SLC44A5: variants seen among roughly 807,000 people sequenced by gnomAD.
The protein encoded by SLC44A5 is choline transporter-like protein 5.
Under a neutral mutation model 101.8 loss-of-function variants are expected in SLC44A5, and 57 were observed. That is an observed-to-expected ratio of 0.56 (90% CI 0.45 to 0.70). The LOEUF is 0.70. Among genes scored for constraint, SLC44A5 ranks in the 30% least tolerant of loss-of-function variants. The pLI is 0.00. For missense variants in SLC44A5, 737 were observed against 853.1 expected (o/e 0.86, Z 1.70); for synonymous variants, 281 against 290.9 (o/e 0.97, Z 0.35).
rs1404071864 is a variant in SLC44A5 at position 75,388,232 on chromosome 1, A to AAATAAATAAATAAATAAATC, written c.52+8350_52+8351insGATTTATTTATTTATTTATT. On this transcript the variant is annotated intron_variant, in intron 3 of 23. Coordinates refer to ENST00000370859, the MANE Select transcript of SLC44A5 (RefSeq NM_001130058.2). ...GTAATAAATAAATAAATAAATAAAT[A>AAATAAATAAATAAATAAATC]AATCCAAAAAAAAACAGTATTAAAA... Among the ~76,000 whole-genome samples the AAATAAATAAATAAATAAATC allele has an allele frequency of 8.7e-5, 13 of 148,642 alleles. No individual in the cohort carries two copies. In the South Asian group the frequency reaches 2.5e-3, roughly 29 times the overall value.
intron 1 of SLC44A5, among the ~76,000 whole-genome samples, chr1:75,560,246 C>T (rs977344032): frequency 2.0e-5 from 3 of 152,018 alleles, no homozygotes; most frequent in African/African-American, 4.8e-5. Context: ...TTTGTAGCTA[C>T]GTTAACAATA....
At chr1:75,251,805 G>T (rs191317487) in intron 6 of SLC44A5, among the ~76,000 whole-genome samples, 3 of 152,234 alleles carry the variant, frequency 2.0e-5, no homozygotes, top group Admixed American at 2.0e-4. Flanking sequence ...AAACATAAAT[G>T]AATTAAGTGA....
intron 6 of SLC44A5, among the ~76,000 whole-genome samples, chr1:75,269,071 G>A (rs1470149167): frequency 6.6e-6 from 1 of 151,808 alleles, no homozygotes; most frequent in Admixed American, 6.6e-5. Flanking sequence ...AAAATGAGGC[G>A]ATTTTTTCTC....
chr1:75,318,602 T>A (rs1449327851), intron 4 of SLC44A5, among the ~76,000 whole-genome samples: 1 of 152,188 alleles, frequency 6.6e-6, no homozygotes, highest in Non-Finnish European at 1.5e-5. Context: ...ACTTGAGGAT[T>A]CATGTCCTTG....
intron 1 of SLC44A5, among the ~76,000 whole-genome samples, chr1:75,563,673 A>G (rs1232703049): frequency 6.6e-6 from 1 of 152,136 alleles, no homozygotes; most frequent in Non-Finnish European, 1.5e-5. Flanking sequence ...TATAAAAGAC[A>G]AGCCAAGACC....
chr1:75,265,994 C>T (rs1420597976), intron 6 of SLC44A5, among the ~76,000 whole-genome samples: 2 of 152,166 alleles, frequency 1.3e-5, no homozygotes, highest in East Asian at 3.9e-4. Context: ...GAGAAAGTTA[C>T]ACACAACAAC....
chr1:75,204,253 C>G (rs964559135), intron 23 of SLC44A5, among the ~76,000 whole-genome samples: 1 of 152,128 alleles, frequency 6.6e-6, no homozygotes, highest in African/African-American at 2.4e-5. Context: ...TCAAACACAT[C>G]AACTGCAAAT....
chr1:75,621,085 A>T, the SLC44A5 span, among the ~76,000 whole-genome samples: 1 of 152,130 alleles, frequency 6.6e-6, no homozygotes, highest in East Asian at 1.9e-4. Context: ...GAAGCCATCA[A>T]TGAGAATGAT....
intron 2 of SLC44A5, among the ~76,000 whole-genome samples, chr1:75,470,532 A>G (rs997189401): frequency 6.6e-6 from 1 of 152,170 alleles, no homozygotes; most frequent in African/African-American, 2.4e-5. Context: ...TGTGAAGACT[A>G]CCAAGATAGG....
chr1:75,239,389 G>C (rs1260514078), intron 9 of SLC44A5, among the ~76,000 whole-genome samples: 2 of 151,924 alleles, frequency 1.3e-5, no homozygotes, highest in Non-Finnish European at 2.9e-5. Context: ...ATCAGAAATG[G>C]ATCATTTTCA....
intron 11 of SLC44A5, 48 bp downstream of exon 11, chr1:75,236,939 A>C (rs1648134009): frequency 9.7e-7 from 1 of 1,036,114 alleles, no homozygotes; most frequent in Non-Finnish European, 1.5e-6. Context: ...CTACAAAGAT[A>C]AAATCAGAAT....
At chr1:75,502,327 G>A (rs1669003268) in intron 2 of SLC44A5, among the ~76,000 whole-genome samples, 1 of 152,122 alleles carries the variant, frequency 6.6e-6, no homozygotes, top group South Asian at 2.1e-4. Context: ...AGATTTAGCT[G>A]AATAAGACTA....
At chr1:75,415,539 TG>T (rs1663585318) in intron 2 of SLC44A5, among the ~76,000 whole-genome samples, 3 of 151,922 alleles carry the variant, frequency 2.0e-5, no homozygotes, top group Admixed American at 6.6e-5. Context: ...ATCAGTAGAG[TG>T]GGGCGCTGCT....
At chr1:75,364,482 C>T (rs1019009880) in intron 3 of SLC44A5, among the ~76,000 whole-genome samples, 2 of 152,128 alleles carry the variant, frequency 1.3e-5, no homozygotes, top group African/African-American at 4.8e-5. Flanking sequence ...TGATGCTAAA[C>T]CATTCACGAG....
chr1:75,646,736 A>T, the SLC44A5 span, among the ~76,000 whole-genome samples: 2 of 152,126 alleles, frequency 1.3e-5, no homozygotes, highest in African/African-American at 2.4e-5. Flanking sequence ...TGTGAAGAAG[A>T]AGTAAAGGCC....
chr1:75,294,684 A>G (rs949547892), intron 5 of SLC44A5, among the ~76,000 whole-genome samples: 4 of 152,164 alleles, frequency 2.6e-5, no homozygotes, highest in Admixed American at 1.3e-4. Context: ...ACAAAATGGA[A>G]TATTTTCAAG....
chr1:75,401,707 C>T (rs1001743119), intron 2 of SLC44A5, among the ~76,000 whole-genome samples: 2 of 152,072 alleles, frequency 1.3e-5, no homozygotes. Context: ...TGCTCCCCAT[C>T]TAGATGCCCT....
At chr1:75,547,244 CACAA>C (rs1671700290) in intron 1 of SLC44A5, among the ~76,000 whole-genome samples, 1 of 152,112 alleles carries the variant, frequency 6.6e-6, no homozygotes, top group Admixed American at 6.6e-5. Context: ...GGATTAACAG[CACAA>C]ACAATAGCCA....
At chr1:75,606,119 A>C (rs1477085961) in intron 1 of SLC44A5, among the ~76,000 whole-genome samples, 3 of 151,528 alleles carry the variant, frequency 2.0e-5, no homozygotes, top group Non-Finnish European at 4.4e-5. Flanking sequence ...ATTTTTCTTT[A>C]GTTCTTTAAG....
Sources: gnomAD v4.1 joint callset for allele counts (sites outside exome capture counted in the v4.1 genomes callset) on GRCh38, gnomAD v4.1.1 for gene constraint, MANE v1.5 for transcripts, NCBI Gene and HGNC (gene_info 2026-07-23, HGNC 2026-07-21) for gene names.